Variants in ALPK1 observed in about 807,000 individuals in gnomAD.
ALPK1 encodes alpha kinase 1.
In ALPK1, 110 loss-of-function variants were observed where a neutral mutation model predicts 120.6. The ratio of observed to expected loss-of-function variants is 0.91; its 90% CI spans 0.78 to 1.07. ALPK1 has a LOEUF of 1.07. ALPK1 is among the 50% of genes least tolerant of loss of function. The probability of loss-of-function intolerance (pLI) is 0.00; values close to 1 mark genes in which losing one functional copy is unlikely to be tolerated. For missense variants in ALPK1, 1,498 were observed against 1,483.9 expected (o/e 1.01, Z -0.16); for synonymous variants, 582 against 560.3 (o/e 1.04, Z -0.55).
chr4:112,306,154 T>C (rs959175308), intron 1 of ALPK1, among the ~76,000 whole-genome samples: 1 of 152,104 alleles, frequency 6.6e-6, no homozygotes, highest in Non-Finnish European at 1.5e-5. Flanking sequence ...GGTTTGCCAG[T>C]ATTTTATTGA....
chr4:112,430,820 T>C lies in ALPK1; in HGVS notation c.1273T>C (p.Ser425Pro), dbSNP rs774851390. ...GGAACATTTACAAGTTCAAAGCTTC[T>C]CAAATGTAGATGACAGATCTTATGT... Reference protein sequence around the residue: ...VKEHLQVQSFSNVDDRSYVPE... With the variant: ...VKEHLQVQSFPNVDDRSYVPE... The change falls in exon 11 of 16, where the codon TCA (serine) becomes CCA (proline). Residue 425 changes from serine (S) to proline (P), a missense_variant. Transcript: ENST00000650871. 6.2e-6 allele frequency: 10 copies of C among 1,614,246 alleles called. No homozygotes were observed. The Middle Eastern group carries it at 4.9e-4, about 80-fold the overall frequency.
chr4:112,346,262 C>A (rs1158350245), intron 2 of ALPK1, among the ~76,000 whole-genome samples: 4 of 152,184 alleles, frequency 2.6e-5, no homozygotes, highest in Non-Finnish European at 5.9e-5. Flanking sequence ...TATTATCAGT[C>A]AGAAATCATG....
At chr4:112,303,995 G>C (rs551991569) in intron 1 of ALPK1, among the ~76,000 whole-genome samples, 13 of 152,120 alleles carry the variant, frequency 8.5e-5, no homozygotes, top group African/African-American at 2.9e-4. Context: ...TGAGAACATG[G>C]GGTGTTTGGT....
intron 2 of ALPK1, among the ~76,000 whole-genome samples, chr4:112,376,943 T>A (rs1405056425): frequency 6.7e-6 from 1 of 150,304 alleles, no homozygotes; most frequent in Non-Finnish European, 1.5e-5. Context: ...TTGTCAGGCA[T>A]TTTTTTTTGC....
chr4:112,309,795 T>C (rs1298499341), intron 1 of ALPK1, among the ~76,000 whole-genome samples: 2 of 152,038 alleles, frequency 1.3e-5, no homozygotes, highest in Admixed American at 6.6e-5. Flanking sequence ...TGCAAGACCA[T>C]TTCCTTCGTT....
chr4:112,303,622 T>G (rs1416516773), intron 1 of ALPK1, among the ~76,000 whole-genome samples: 1 of 152,176 alleles, frequency 6.6e-6, no homozygotes, highest in Non-Finnish European at 1.5e-5. Context: ...TTGAACAATT[T>G]GTATCAGATC....
At chr4:112,356,281 C>A in intron 2 of ALPK1, 1 of 1,142,562 alleles carries the variant, frequency 8.8e-7, no homozygotes, top group Non-Finnish European at 1.3e-6. Context: ...AGACGCTGTG[C>A]CTCCTGTGCA....
chr4:112,310,071 C>T (rs1359276342), intron 1 of ALPK1, among the ~76,000 whole-genome samples: 5 of 152,212 alleles, frequency 3.3e-5, no homozygotes, highest in African/African-American at 9.6e-5. Context: ...CAATGCATGA[C>T]ACATTGTAGG....
At chr4:112,330,071 A>G (rs1474256002) in intron 2 of ALPK1, among the ~76,000 whole-genome samples, 1 of 152,248 alleles carries the variant, frequency 6.6e-6, no homozygotes, top group Non-Finnish European at 1.5e-5. Context: ...ATTAGAAACC[A>G]TTTAGAATAA....
rs1734496529 is a variant in ALPK1, at chr4:112,430,654, T to C, written c.1107T>C (p.His369=). The part of the protein sequence containing the change: ...FGLTTVHRRL[H]GETGTVHAAS... Reference sequence around the variant, plus strand: ...TCACCACAGTGCACAGAAGGCTCCATGGGGAGACAGGGACGGTCCATGCAG... The same window carrying C: ...TCACCACAGTGCACAGAAGGCTCCACGGGGAGACAGGGACGGTCCATGCAG... The change falls in exon 11 of 16, where the codon CAT becomes CAC. Residue 369 remains histidine, a synonymous_variant. Coordinates refer to ENST00000650871, the MANE Select transcript of ALPK1 (RefSeq NM_025144.4). 3.1e-6 allele frequency: 5 copies of C among 1,614,112 alleles called. No individual in the cohort carries two copies. The highest frequency in any genetic ancestry group is 4.2e-6 in the Non-Finnish European group (5 of 1,180,016).
intron 9 of ALPK1, 125 bp downstream of exon 9, chr4:112,427,790 A>G (rs976604330): frequency 1.5e-6 from 1 of 678,850 alleles, no homozygotes; most frequent in African/African-American, 1.8e-5. Flanking sequence ...CCTCCTAGAC[A>G]AATGGGAGGA....
intron 4 of ALPK1, chr4:112,384,068 G>C (rs1489423694): frequency 6.6e-6 from 1 of 152,164 alleles, no homozygotes; most frequent in Non-Finnish European, 1.5e-5. Flanking sequence ...ATCATAAGTT[G>C]AACAATTGTT....
intron 2 of ALPK1, chr4:112,356,591 G>A: frequency 2.6e-6 from 2 of 783,774 alleles, no homozygotes; most frequent in Non-Finnish European, 2.3e-6. Context: ...AGAAGCAGGA[G>A]AGTAACCACA....
At chr4:112,375,261 C>A (rs1249718770) in intron 2 of ALPK1, among the ~76,000 whole-genome samples, 1 of 151,410 alleles carries the variant, frequency 6.6e-6, no homozygotes, top group Non-Finnish European at 1.5e-5. Context: ...CTCACTCCAG[C>A]CTCAATCTCC....
At chr4:112,322,361 A>G (rs1360252201) in intron 2 of ALPK1, among the ~76,000 whole-genome samples, 2 of 152,258 alleles carry the variant, frequency 1.3e-5, no homozygotes, top group African/African-American at 2.4e-5. Context: ...GACAAAAGGC[A>G]TCTTACCTTC....
At chr4:112,417,020 G>C (rs1292069190) in intron 5 of ALPK1, among the ~76,000 whole-genome samples, 1 of 151,872 alleles carries the variant, frequency 6.6e-6, no homozygotes, top group African/African-American at 2.4e-5. Flanking sequence ...CTAACAAAAA[G>C]TATCTTATCA....
chr4:112,334,137 A>G (rs12331296), intron 2 of ALPK1, among the ~76,000 whole-genome samples: 45,621 of 152,024 alleles, frequency 0.3, 7,268 homozygotes, highest in East Asian at 0.57. Context: ...TTCCTGAAGA[A>G]AAACAGTTTT....
At position 112,319,624 on chromosome 4, in the gene ALPK1, T is replaced by C. The variant is rs554100525; in HGVS notation, c.-101+3772T>C. 5.3e-5 allele frequency among the ~76,000 whole-genome samples: 8 copies of C among 152,362 alleles called. No homozygotes were observed. The South Asian group carries it at 1.7e-3, about 32-fold the overall frequency. Reference sequence around the variant, plus strand: ...TGGCAATTGCATTGAATTTGTAGATTGCTTTTGGCAGTATGGTTATTTTCA... The same window carrying C: ...TGGCAATTGCATTGAATTTGTAGATCGCTTTTGGCAGTATGGTTATTTTCA... On this transcript the variant is annotated intron_variant, in intron 2 of 15. Transcript: ENST00000650871.
chr4:112,375,554 C>T (rs1411154286), intron 2 of ALPK1, among the ~76,000 whole-genome samples: 1 of 152,122 alleles, frequency 6.6e-6, no homozygotes, highest in African/African-American at 2.4e-5. Flanking sequence ...CTGCAGCTTC[C>T]TCACCTCTCT....
Sources: gnomAD v4.1 joint callset for allele counts (sites outside exome capture counted in the v4.1 genomes callset) on GRCh38, gnomAD v4.1.1 for gene constraint, MANE v1.5 for transcripts, NCBI Gene and HGNC (gene_info 2026-07-23, HGNC 2026-07-21) for gene names.